The following MARCHF1 variants were observed in gnomAD, a reference collection of about 807,000 sequenced individuals.
MARCHF1 encodes the protein E3 ubiquitin-protein ligase MARCHF1.
MARCHF1 carries 40 observed loss-of-function variants against 54.2 expected under a neutral mutation model. That is an observed-to-expected ratio of 0.74 (90% confidence interval 0.57 to 0.96). The LOEUF is 0.96. MARCHF1 is among the 40% of genes least tolerant of loss of function. MARCHF1 has a pLI of 0.00. For missense variants in MARCHF1, 586 were observed against 656.5 expected, an observed-to-expected ratio of 0.89 and a Z score of 1.17; for synonymous variants, 236 against 236.3, an observed-to-expected ratio of 1.00 and a Z score of 0.01.
At chr4:164,289,266 TC>T (rs1320574322) in intron 1 of MARCHF1, among the ~76,000 whole-genome samples, 1 of 152,012 alleles carries the variant, frequency 6.6e-6, no homozygotes, top group African/African-American at 2.4e-5. Context: ...GTGATATCAA[TC>T]CTAGGAAGAT....
At chr4:164,187,785 T>C (rs1211211210) in intron 1 of MARCHF1, among the ~76,000 whole-genome samples, 1 of 152,202 alleles carries the variant, frequency 6.6e-6, no homozygotes, top group Non-Finnish European at 1.5e-5. Flanking sequence ...AATTGTTTCA[T>C]GTAATGATAG....
chr4:163,591,938 A>T (rs1740605258), intron 7 of MARCHF1, among the ~76,000 whole-genome samples: 1 of 152,168 alleles, frequency 6.6e-6, no homozygotes, highest in Non-Finnish European at 1.5e-5. Context: ...AGAGAACAAG[A>T]TGGACAGTAG....
chr4:164,122,508 G>C (rs925574169), intron 1 of MARCHF1, among the ~76,000 whole-genome samples: 1 of 151,948 alleles, frequency 6.6e-6, no homozygotes, highest in Non-Finnish European at 1.5e-5. Flanking sequence ...GGGTGGGGAG[G>C]CCAGCCTTCC....
At chr4:163,789,182 G>A (rs563649579) in intron 4 of MARCHF1, among the ~76,000 whole-genome samples, 13 of 151,878 alleles carry the variant, frequency 8.6e-5, no homozygotes, top group South Asian at 4.2e-4. Flanking sequence ...GTTATAAATC[G>A]TTTTATTTTG....
Position 164,008,561 on chromosome 4 carries a change from C to T in MARCHF1, c.-247-19852G>A, listed in dbSNP as rs185174830. 3.3e-5 allele frequency among the ~76,000 whole-genome samples: 5 copies of T among 152,092 alleles called. No individual in the cohort carries two copies. In the East Asian group the frequency reaches 9.6e-4, roughly 29 times the overall value. On this transcript the variant is annotated intron_variant, in intron 2 of 9. Transcript: ENST00000514618. ...TTTTCATCACTACATGGATCAACCT[C>T]CAGAATACACCACATCTTAGGCAAA...
At chr4:164,250,622 TC>T (rs1417004871) in intron 1 of MARCHF1, among the ~76,000 whole-genome samples, 1 of 152,078 alleles carries the variant, frequency 6.6e-6, no homozygotes, top group African/African-American at 2.4e-5. Context: ...TTATTTCTCA[TC>T]CCAGGTTGAT....
intron 4 of MARCHF1, among the ~76,000 whole-genome samples, chr4:163,750,882 A>G (rs187263531): frequency 6.6e-6 from 1 of 152,194 alleles, no homozygotes; most frequent in Non-Finnish European, 1.5e-5. Flanking sequence ...ATTTTAAAAA[A>G]TTTATGTTTT....
chr4:163,759,026 A>T (rs1188640777), intron 4 of MARCHF1, among the ~76,000 whole-genome samples: 27 of 152,124 alleles, frequency 1.8e-4, no homozygotes, highest in African/African-American at 6.3e-4. Context: ...GAACTGAAGC[A>T]TCAAAGTAAT....
intron 9 of MARCHF1, among the ~76,000 whole-genome samples, chr4:163,541,717 T>C (rs932551829): frequency 7.9e-5 from 12 of 152,252 alleles, no homozygotes; most frequent in Non-Finnish European, 1.6e-4. Flanking sequence ...CAAATTTGTT[T>C]CTTTTAAAAT....
chr4:163,705,504 C>T (rs1422208687), intron 4 of MARCHF1, among the ~76,000 whole-genome samples: 4 of 151,860 alleles, frequency 2.6e-5, no homozygotes, highest in African/African-American at 9.7e-5. Flanking sequence ...ATAGAATTTA[C>T]TTATTTCAGG....
intron 2 of MARCHF1, among the ~76,000 whole-genome samples, chr4:164,005,000 T>A (rs1167491282): frequency 1.3e-5 from 2 of 151,866 alleles, no homozygotes; most frequent in South Asian, 4.2e-4. Context: ...ATAGAGGGTA[T>A]TGGTAAACTG....
intron 2 of MARCHF1, among the ~76,000 whole-genome samples, chr4:164,102,283 G>A (rs1463230484): frequency 2.9e-5 from 2 of 68,118 alleles, no homozygotes; most frequent in East Asian, 5.5e-4. Context: ...GATACTCCTC[G>A]AGAAGAGCAA....
At chr4:163,809,849 G>A (rs1399233352) in intron 4 of MARCHF1, among the ~76,000 whole-genome samples, 1 of 151,898 alleles carries the variant, frequency 6.6e-6, no homozygotes, top group African/African-American at 2.4e-5. Flanking sequence ...TCTAAATAAT[G>A]AAGAAATAGA....
chr4:163,920,679 C>A (rs1303777747), intron 3 of MARCHF1, among the ~76,000 whole-genome samples: 2 of 152,074 alleles, frequency 1.3e-5, no homozygotes, highest in Non-Finnish European at 2.9e-5. Flanking sequence ...TTCCCTGCCC[C>A]CACAGGATGG....
intron 1 of MARCHF1, among the ~76,000 whole-genome samples, chr4:164,335,496 G>A (rs2110821151): frequency 6.6e-6 from 1 of 151,826 alleles, no homozygotes; most frequent in African/African-American, 2.4e-5. Flanking sequence ...GCAGGAGAAT[G>A]GCGTGAACCC....
intron 2 of MARCHF1, among the ~76,000 whole-genome samples, chr4:164,105,651 C>T (rs1207308352): frequency 1.4e-4 from 13 of 90,450 alleles, no homozygotes. Flanking sequence ...AGACCTAAAA[C>T]CATAAAAACC....
At chr4:164,307,480 C>A (rs1445410008) in intron 1 of MARCHF1, among the ~76,000 whole-genome samples, 1 of 152,194 alleles carries the variant, frequency 6.6e-6, no homozygotes, top group Non-Finnish European at 1.5e-5. Context: ...GCCAGTAAAA[C>A]CCAAAGCTCG....
intron 2 of MARCHF1, among the ~76,000 whole-genome samples, chr4:164,015,162 A>C (rs1753508913): frequency 6.6e-6 from 1 of 152,182 alleles, no homozygotes; most frequent in African/African-American, 2.4e-5. Flanking sequence ...CATTATGGTT[A>C]TCTCATTTTT....
chr4:163,860,549 A>T, intron 3 of MARCHF1, among the ~76,000 whole-genome samples: 1 of 152,222 alleles, frequency 6.6e-6, no homozygotes, highest in Middle Eastern at 3.4e-3. Flanking sequence ...TGCCCTGCCT[A>T]TGGTGGGGAG....
Sources: allele counts gnomAD v4.1 joint callset (sites outside exome capture counted in the v4.1 genomes callset), GRCh38; gene constraint gnomAD v4.1.1; transcripts MANE v1.5; gene names NCBI Gene and HGNC (gene_info 2026-07-23, HGNC 2026-07-21).